THSD1: variants seen among roughly 807,000 people sequenced by gnomAD.
THSD1 encodes thrombospondin type-1 domain-containing protein 1.
THSD1 carries 34 observed loss-of-function variants against 46.3 expected under a neutral mutation model. The observed-to-expected ratio is 0.74, with a 90% CI of 0.56 to 0.98. THSD1 has a LOEUF of 0.98. Among genes scored for constraint, THSD1 ranks in the 50% least tolerant of loss-of-function variants. The probability of loss-of-function intolerance (pLI) is 0.00; values close to 1 mark genes in which losing one functional copy is unlikely to be tolerated. For synonymous variants in THSD1, 407 were observed against 416.5 expected, an observed-to-expected ratio of 0.98 and a Z score of 0.28; for missense variants, 1,023 against 1,058.3, an observed-to-expected ratio of 0.97 and a Z score of 0.46.
At chr13:52,405,063 T>A (rs1957896687) in intron 1 of THSD1, among the ~76,000 whole-genome samples, 1 of 152,252 alleles carries the variant, frequency 6.6e-6, no homozygotes, top group Non-Finnish European at 1.5e-5. Context: ...CTTCTTACAA[T>A]GTTTGCATTG....
chr13:52,377,944 G>T lies in THSD1; in HGVS notation c.2026C>A (p.Arg676=). The part of the protein sequence containing the change: ...RERSMSTLTP[R]QAPAYSSRTR... ...CTAGAGCTGTAGGCAGGGGCCTGCC[G>T]TGGAGTCAGAGTGGACATGCTCCTC... is the stretch of plus-strand genomic sequence containing the variant. The change falls in exon 5 of 5, where the codon CGG becomes AGG. Residue 676 remains arginine (R), a synonymous_variant. Transcript: ENST00000258613. 1 of 1,614,172 alleles carries T rather than the reference G, an allele frequency of 6.2e-7. No homozygotes were observed.
rs866691313 is a variant in THSD1 at position 52,378,105 on chromosome 13, T to C, written c.1865A>G (p.Gln622Arg). ...TQASCAISPS[Q>R]TLIRKSQARH... ...TGCCTGTGACTTGCGGATCAGAGTC[T>C]GGCTGGGGCTTATGGCACAACTGGC... Residue 622 changes from glutamine (Q) to arginine (R), a missense_variant, in exon 5 of 5, where the codon CAG becomes CGG. Physicochemically the swap from Gln to Arg is conservative, Grantham distance 43 (BLOSUM62 1). This residue lies in a region of THSD1 where 578 missense variants were observed against 497.4 expected (regional missense o/e 1.16). Transcript: ENST00000258613. 1 of 1,614,220 alleles carries C rather than the reference T, an allele frequency of 6.2e-7. No individual in the cohort carries two copies. Among genetic ancestry groups the C allele is most frequent in the Non-Finnish European group, 8.5e-7 (1 of 1,180,018 alleles).
At chr13:52,395,017 CAGG>C (rs1186178777) in intron 3 of THSD1, among the ~76,000 whole-genome samples, 8 of 152,074 alleles carry the variant, frequency 5.3e-5, no homozygotes, top group Admixed American at 1.3e-4. Context: ...TAATGTTAGC[CAGG>C]AGAAGGAGAG....
At chr13:52,395,882 A>G (rs1957806181) in intron 3 of THSD1, among the ~76,000 whole-genome samples, 1 of 152,222 alleles carries the variant, frequency 6.6e-6, no homozygotes. Context: ...CCACGGTGGC[A>G]TCAGGCCACC....
In THSD1 at chr13:52,397,977, A is replaced by T. The variant is rs766900846; in HGVS notation, c.276T>A (p.Tyr92Ter). 6.2e-7 allele frequency: 1 copy of T among 1,614,242 alleles called. No individual in the cohort carries two copies. The highest frequency in any genetic ancestry group is 8.5e-7 in the Non-Finnish European group (1 of 1,180,048). Reference protein sequence around the residue: ...SQGTLKFECFYFKEAGDYWFT... With the variant: ...SQGTLKFECF ...ACCAGTAGTCACCAGCCTCCTTGAAATAGAAGCACTCAAACTTTAGTGTTC... is the reference window on the plus strand; with the variant it reads ...ACCAGTAGTCACCAGCCTCCTTGAATTAGAAGCACTCAAACTTTAGTGTTC... Residue 92 changes from tyrosine (Y) to a stop codon, truncating the protein, a stop_gained, in exon 3 of 5, where the codon TAT (tyrosine) becomes TAA (stop). Coordinates refer to ENST00000258613, the MANE Select transcript of THSD1 (RefSeq NM_018676.4). LOFTEE classifies it high-confidence loss of function.
At chr13:52,395,409 G>A (rs1424807893) in intron 3 of THSD1, among the ~76,000 whole-genome samples, 1 of 152,268 alleles carries the variant, frequency 6.6e-6, no homozygotes, top group East Asian at 1.9e-4. Context: ...GGTTTGAACA[G>A]TAAGATGGTT....
At chr13:52,405,034 T>G (rs1465328574) in intron 1 of THSD1, among the ~76,000 whole-genome samples, 2 of 152,222 alleles carry the variant, frequency 1.3e-5, no homozygotes, top group African/African-American at 4.8e-5. Flanking sequence ...CAACATGTTG[T>G]TCTCAATACC....
At chr13:52,400,297 G>A (rs116858897) in intron 2 of THSD1, among the ~76,000 whole-genome samples, 1 of 152,158 alleles carries the variant, frequency 6.6e-6, no homozygotes, top group Non-Finnish European at 1.5e-5. Context: ...TAGAGCTCCT[G>A]TTAGAAAACT....
At chr13:52,393,357 C>A (rs1001138752) in intron 3 of THSD1, among the ~76,000 whole-genome samples, 6 of 152,128 alleles carry the variant, frequency 3.9e-5, no homozygotes. Context: ...TCATTTTTGG[C>A]AAATCCATTA....
At chr13:52,402,975 G>T (rs977607899) in intron 1 of THSD1, 1 of 983,950 alleles carries the variant, frequency 1.0e-6, no homozygotes, top group African/African-American at 1.7e-5. Flanking sequence ...AGAGTTTATT[G>T]TTATTTGCTT....
At chr13:52,393,252 G>A (rs550517228) in intron 3 of THSD1, among the ~76,000 whole-genome samples, 4 of 152,138 alleles carry the variant, frequency 2.6e-5, no homozygotes, top group African/African-American at 9.6e-5. Flanking sequence ...GGACTATATG[G>A]GTTAATATCC....
chr13:52,398,290 A>C (rs1957827186), intron 2 of THSD1, 96 bp from the exon 3 acceptor site: 4 of 1,506,488 alleles, frequency 2.7e-6, no homozygotes, highest in South Asian at 1.3e-5. Context: ...TTTTTTTTTG[A>C]GACAGGGTCT....
intron 2 of THSD1, among the ~76,000 whole-genome samples, chr13:52,401,915 G>T (rs180722066): frequency 3.9e-5 from 6 of 152,296 alleles, no homozygotes; most frequent in Admixed American, 2.0e-4. Context: ...TGACTCTATT[G>T]TTCAGTAGTT....
At chr13:52,386,633 G>T (rs1017963966) in intron 3 of THSD1, among the ~76,000 whole-genome samples, 1 of 152,146 alleles carries the variant, frequency 6.6e-6, no homozygotes, top group African/African-American at 2.4e-5. Flanking sequence ...ATACCCACTT[G>T]CAGACTCTTC....
At chr13:52,399,679 T>C (rs1432845021) in intron 2 of THSD1, among the ~76,000 whole-genome samples, 2 of 152,202 alleles carry the variant, frequency 1.3e-5, no homozygotes, top group Non-Finnish European at 2.9e-5. Context: ...TTATCACTTG[T>C]TTGAAAACCA....
rs760037091 is a variant in THSD1, at chr13:52,377,571, C to T, written c.2399G>A (p.Cys800Tyr). The T allele has an allele frequency of 1.0e-4, 164 of 1,599,988 alleles. No homozygotes were observed. Among genetic ancestry groups the T allele is most frequent in the Non-Finnish European group, 1.4e-5 (16 of 1,170,322 alleles). ...LSPSQCRKDKCQSFPTHPEFA... is the reference protein window; with the variant it reads ...LSPSQCRKDKYQSFPTHPEFA... ...CTCAGGGTGAGTGGGGAAGCTTTGA[C>T]ACTTGTCTTTTCTACACTGAGAAGG... The change falls in exon 5 of 5, where the codon TGT (cysteine) becomes TAT (tyrosine). Residue 800 changes from cysteine to tyrosine, a missense_variant. By Grantham distance (194) the Cys-to-Tyr change is radical (BLOSUM62 -2). This residue lies in a region of THSD1 where 578 missense variants were observed against 497.4 expected (regional missense o/e 1.16). Coordinates refer to ENST00000258613, the MANE Select transcript of THSD1 (RefSeq NM_018676.4).
chr13:52,390,531 A>G (rs1336193524), intron 3 of THSD1, among the ~76,000 whole-genome samples: 2 of 152,194 alleles, frequency 1.3e-5, no homozygotes, highest in Admixed American at 1.3e-4. Flanking sequence ...TGTGCCTCCA[A>G]GATCACACTG....
At chr13:52,385,304 G>A (rs1311464280) in intron 4 of THSD1, among the ~76,000 whole-genome samples, 1 of 152,204 alleles carries the variant, frequency 6.6e-6, no homozygotes, top group East Asian at 1.9e-4. Context: ...GCGGGATGGT[G>A]TGTGGAAAAA....
rs537938636 is a variant in THSD1, at chr13:52,382,830, G to A, written c.1180+3198C>T. 7.2e-5 allele frequency among the ~76,000 whole-genome samples: 11 copies of A among 151,798 alleles called. No homozygotes were observed. The East Asian group carries it at 9.7e-4, about 13-fold the overall frequency. On this transcript the variant is annotated intron_variant, in intron 4 of 4. Coordinates refer to ENST00000258613, the MANE Select transcript of THSD1 (RefSeq NM_018676.4). ...AGCCTGGCCAACATGGTGAAGCCTC[G>A]TCTCTACTAAAAATACAAAAACTTA...
Sources: gnomAD v4.1 joint callset for allele counts (sites outside exome capture counted in the v4.1 genomes callset) on GRCh38, gnomAD v4.1.1 for gene constraint, gnomAD v4.1.1 regional missense constraint, MANE v1.5 for transcripts, NCBI Gene and HGNC (gene_info 2026-07-23, HGNC 2026-07-21) for gene names.